Variants in KDM4B observed in about 807,000 individuals in gnomAD.
KDM4B encodes lysine-specific demethylase 4B.
Under a neutral mutation model 125.2 loss-of-function variants are expected in KDM4B, and 32 were observed. That is an observed-to-expected ratio of 0.26 (90% CI 0.19 to 0.34). The LOEUF is 0.34. Ranked by LOEUF, KDM4B falls within the 10% of genes least tolerant of loss-of-function variation. KDM4B has a pLI of 1.00. For synonymous variants in KDM4B, 721 were observed against 677.9 expected (o/e 1.06, Z -0.99); for missense variants, 1,190 against 1,577.7 (o/e 0.75, Z 4.16).
chr19:5,001,377 G>T (rs1381509698), intron 1 of KDM4B, among the ~76,000 whole-genome samples: 1 of 152,160 alleles, frequency 6.6e-6, no homozygotes, highest in East Asian at 1.9e-4. Context: ...TCATTTAGCT[G>T]TGTGTCCTGG....
At chr19:5,066,447 A>G (rs1002377654) in intron 6 of KDM4B, among the ~76,000 whole-genome samples, 47 of 151,868 alleles carry the variant, frequency 3.1e-4, no homozygotes, top group African/African-American at 9.7e-4. Context: ...GTGTCTCCCC[A>G]TGGGCCTAGG....
At chr19:5,090,952 G>A (rs547910135) in intron 9 of KDM4B, among the ~76,000 whole-genome samples, 10 of 152,204 alleles carry the variant, frequency 6.6e-5, no homozygotes, top group African/African-American at 1.2e-4. Flanking sequence ...TCTCCAAGGC[G>A]GCGGCTTCCT....
At chr19:5,134,308 C>T (rs906687906) in intron 14 of KDM4B, among the ~76,000 whole-genome samples, 2 of 152,122 alleles carry the variant, frequency 1.3e-5, no homozygotes, top group Non-Finnish European at 2.9e-5. Flanking sequence ...AGGGAGGCTG[C>T]GGAGGCTCGG....
intron 6 of KDM4B, among the ~76,000 whole-genome samples, chr19:5,062,657 A>G (rs35243012): frequency 7.4e-6 from 1 of 135,554 alleles, no homozygotes; most frequent in African/African-American, 2.8e-5. Context: ...CTTTTTGTTG[A>G]CTTTTTTTTT....
chr19:4,978,943 C>G (rs1289330472), intron 1 of KDM4B, among the ~76,000 whole-genome samples: 3 of 152,208 alleles, frequency 2.0e-5, no homozygotes, highest in Non-Finnish European at 4.4e-5. Flanking sequence ...ACCAGTGTCT[C>G]CTGCCCGCAG....
chr19:4,990,117 C>G (rs2034985990), intron 1 of KDM4B, among the ~76,000 whole-genome samples: 1 of 152,066 alleles, frequency 6.6e-6, no homozygotes, highest in Admixed American at 6.6e-5. Flanking sequence ...TAATGAGACC[C>G]AGTCTCTACA....
Position 5,095,591 on chromosome 19 carries a change from C to T in KDM4B, c.918+13087C>T, listed in dbSNP as rs772817208. The stretch of plus-strand genomic sequence containing the variant: ...CTGAGAGCTGGGGGCCCACGAGCCT[C>T]GGTGCTGGACGCCCCCACAGTGTGG... On this transcript the variant is annotated intron_variant, in intron 9 of 22. Coordinates refer to ENST00000159111, the MANE Select transcript of KDM4B (RefSeq NM_015015.3). Among the ~76,000 whole-genome samples, 4 of 152,336 alleles carry T rather than the reference C, an allele frequency of 2.6e-5. No individual in the cohort carries two copies. The East Asian group carries it at 5.8e-4, about 22-fold the overall frequency.
intron 6 of KDM4B, 110 bp from the exon 7 acceptor site, chr19:5,070,900 G>A (rs1223086864): frequency 9.1e-7 from 1 of 1,098,984 alleles, no homozygotes; most frequent in Non-Finnish European, 1.4e-6. Context: ...ACTCCACTTT[G>A]CTTCTGCCCT....
At chr19:4,987,279 T>G (rs2034870425) in intron 1 of KDM4B, among the ~76,000 whole-genome samples, 1 of 152,248 alleles carries the variant, frequency 6.6e-6, no homozygotes, top group Non-Finnish European at 1.5e-5. Context: ...GCAAGTTTTC[T>G]TTAGTTAAAA....
intron 6 of KDM4B, among the ~76,000 whole-genome samples, chr19:5,062,775 GTT>G (rs34134889): frequency 5.9e-4 from 53 of 89,844 alleles, no homozygotes; most frequent in African/African-American, 1.7e-3. Flanking sequence ...TAATTAAACT[GTT>G]TTTTTTTTTT....
intron 21 of KDM4B, among the ~76,000 whole-genome samples, chr19:5,149,562 C>T (rs77152318): frequency 0.014 from 2,119 of 152,320 alleles, 49 homozygotes; most frequent in African/African-American, 0.048. Flanking sequence ...GGGAGTGACC[C>T]CAGCACCTTT....
intron 2 of KDM4B, among the ~76,000 whole-genome samples, chr19:5,024,542 C>T (rs544574352): frequency 3.3e-5 from 5 of 152,086 alleles, no homozygotes; most frequent in Admixed American, 1.3e-4. Flanking sequence ...GGGGTGGGGC[C>T]GCCCATAAGA....
chr19:4,993,601 T>C (rs1227715380), intron 1 of KDM4B, among the ~76,000 whole-genome samples: 2 of 152,084 alleles, frequency 1.3e-5, no homozygotes, highest in Non-Finnish European at 2.9e-5. Context: ...TCTTTATCTC[T>C]AGTAACTTTT....
chr19:4,980,877 T>A (rs2034614486), intron 1 of KDM4B, among the ~76,000 whole-genome samples: 1 of 145,592 alleles, frequency 6.9e-6, no homozygotes, highest in East Asian at 2.1e-4. Context: ...GGGATTCCTG[T>A]GCTGCACCAT....
At chr19:4,991,078 G>T (rs944980005) in intron 1 of KDM4B, among the ~76,000 whole-genome samples, 1 of 152,154 alleles carries the variant, frequency 6.6e-6, no homozygotes, top group African/African-American at 2.4e-5. Context: ...AGATTGTGCC[G>T]CTGCACTCCT....
Position 4,997,101 on chromosome 19 carries a change from A to G in KDM4B, c.-108-19156A>G, listed in dbSNP as rs1014447916. Among the ~76,000 whole-genome samples the G allele has an allele frequency of 6.6e-6, 1 of 152,216 alleles. No individual in the cohort carries two copies. The highest frequency in any genetic ancestry group is 2.4e-5 in the African/African-American group (1 of 41,446). On this transcript the variant is annotated intron_variant, in intron 1 of 22. Transcript: ENST00000159111. The surrounding 1 kb of genome is among the most constrained non-coding windows in gnomAD (Gnocchi z 4.2). ...AGCACCACCCTCAGTCGTGACAGCC[A>G]TAAATGTCCCTAGACATCGGAAGGC...
At chr19:5,095,395 G>A (rs1444040876) in intron 9 of KDM4B, among the ~76,000 whole-genome samples, 1 of 152,236 alleles carries the variant, frequency 6.6e-6, no homozygotes, top group African/African-American at 2.4e-5. Flanking sequence ...GCAGACTCTA[G>A]TATCTGTTCA....
At chr19:5,083,598 C>G (rs1411437526) in intron 9 of KDM4B, among the ~76,000 whole-genome samples, 3 of 152,188 alleles carry the variant, frequency 2.0e-5, no homozygotes, top group African/African-American at 7.2e-5. Flanking sequence ...AGGCCAGGCT[C>G]GGCCACGTGG....
Position 5,114,289 on chromosome 19 carries a change from G to T in KDM4B, c.1115+3471G>T, listed in dbSNP as rs867200978. The T allele has an allele frequency of 1.6e-6, 2 of 1,235,944 alleles. No homozygotes were observed. 76.6% of individuals were successfully genotyped at this position (1,235,944 alleles called of 1,614,324 possible). A position where few individuals can be genotyped will look rare whatever the true frequency, so the allele number is the denominator to read the frequency against. On this transcript the variant is annotated intron_variant, in intron 10 of 22. Transcript: ENST00000159111. This position sits in a 1 kb window ranked among gnomAD's most constrained non-coding sequence, Gnocchi z 5.8. ...AGCCTCCCTGGCCCACTGCTGCTCTGTGAGCCCGGCTGGGCCCAGGCCTCG... is the reference window on the plus strand; with the variant it reads ...AGCCTCCCTGGCCCACTGCTGCTCTTTGAGCCCGGCTGGGCCCAGGCCTCG...
Sources: gnomAD v4.1 joint callset for allele counts (sites outside exome capture counted in the v4.1 genomes callset) on GRCh38, gnomAD v4.1.1 for gene constraint, Gnocchi (gnomAD v3.1) non-coding constraint, MANE v1.5 for transcripts, NCBI Gene and HGNC (gene_info 2026-07-23, HGNC 2026-07-21) for gene names.